Variants in RASSF2 observed in about 807,000 individuals in gnomAD.
RASSF2 encodes the protein ras association domain-containing protein 2.
In RASSF2, 34 loss-of-function variants were observed where a neutral mutation model predicts 46.3. That is an observed-to-expected ratio of 0.73 (90% CI 0.56 to 0.98). RASSF2 has a LOEUF of 0.98. Ranked by LOEUF, RASSF2 falls within the 50% of genes least tolerant of loss-of-function variation. The pLI, the probability that RASSF2 is intolerant of heterozygous loss-of-function variation, is 0.00. For synonymous variants in RASSF2, 158 were observed against 162.5 expected (o/e 0.97, Z 0.21); for missense variants, 364 against 431.2 (o/e 0.84, Z 1.38).
rs183284017 is a variant in RASSF2, at chr20:4,785,101, G to A, written c.912-759C>T. Reference sequence around the variant, plus strand: ...GAGGAGGGTGGATCACTTGAGGTCAGGAGTTCAAGACCAGCCTGGCCAACA... The same window carrying A: ...GAGGAGGGTGGATCACTTGAGGTCAAGAGTTCAAGACCAGCCTGGCCAACA... On this transcript the variant is annotated intron_variant, in intron 11 of 11. Coordinates refer to ENST00000379400, the MANE Select transcript of RASSF2 (RefSeq NM_014737.3). Among the ~76,000 whole-genome samples, 688 of 148,352 alleles carry A rather than the reference G, an allele frequency of 4.6e-3. 4 individuals carry two copies. Among genetic ancestry groups the A allele is most frequent in the African/African-American group, 0.016 (651 of 39,488 alleles).
At chr20:4,801,248 C>T (rs1292293537) in intron 2 of RASSF2, among the ~76,000 whole-genome samples, 186 bp from the exon 3 acceptor site, 2 of 152,190 alleles carry the variant, frequency 1.3e-5, no homozygotes, top group Non-Finnish European at 1.5e-5. Context: ...CCTCGGCTTG[C>T]CACAGCCTCT....
chr20:4,791,632 A>G (rs956567556), intron 6 of RASSF2, among the ~76,000 whole-genome samples: 1 of 152,242 alleles, frequency 6.6e-6, no homozygotes, highest in Non-Finnish European at 1.5e-5. Flanking sequence ...GACAATATCT[A>G]TGAAAATTAA....
chr20:4,818,697 A>G (rs1928493891), intron 2 of RASSF2, among the ~76,000 whole-genome samples: 1 of 152,216 alleles, frequency 6.6e-6, no homozygotes, highest in Non-Finnish European at 1.5e-5. Flanking sequence ...ACAACCTAGG[A>G]ATACAAACCA....
intron 6 of RASSF2, 85 bp downstream of exon 6, chr20:4,792,454 A>G: frequency 6.4e-7 from 1 of 1,565,512 alleles, no homozygotes; most frequent in South Asian, 1.2e-5. Flanking sequence ...TATATTCTCA[A>G]AAATAAATAA....
intron 2 of RASSF2, among the ~76,000 whole-genome samples, chr20:4,803,887 C>T (rs1927113514): frequency 6.6e-6 from 1 of 151,988 alleles, no homozygotes; most frequent in African/African-American, 2.4e-5. Context: ...GGGGAGATCC[C>T]ATCTCTACAA....
At chr20:4,820,045 T>TA (rs1252418466) in intron 2 of RASSF2, among the ~76,000 whole-genome samples, 3 of 152,202 alleles carry the variant, frequency 2.0e-5, no homozygotes, top group Non-Finnish European at 4.4e-5. Context: ...ACTGGCTGCA[T>TA]AGCCCAAGTC....
chr20:4,788,362 C>A, intron 8 of RASSF2, 94 bp from the exon 9 acceptor site: 1 of 1,183,854 alleles, frequency 8.4e-7, no homozygotes, highest in South Asian at 1.2e-5. Flanking sequence ...AAAGCTAAGT[C>A]AATTTTAGGC....
At chr20:4,820,168 G>T (rs1928598166) in intron 2 of RASSF2, among the ~76,000 whole-genome samples, 1 of 152,140 alleles carries the variant, frequency 6.6e-6, no homozygotes, top group Non-Finnish European at 1.5e-5. Flanking sequence ...AATGAAACCA[G>T]CCGTGAGACC....
intron 5 of RASSF2, 106 bp from the exon 6 acceptor site, chr20:4,792,733 A>C: frequency 6.7e-7 from 1 of 1,482,738 alleles, no homozygotes; most frequent in African/African-American, 1.4e-5. Flanking sequence ...GCACTTTGCT[A>C]GTGCCAGGCT....
chr20:4,798,845 CAA>C (rs35949107), intron 3 of RASSF2, among the ~76,000 whole-genome samples: 1 of 127,266 alleles, frequency 7.9e-6, no homozygotes, highest in African/African-American at 3.2e-5. Context: ...AACAAACAAA[CAA>C]AAAAAAAAAA....
chr20:4,794,993 A>AT (rs1926213352), intron 5 of RASSF2, among the ~76,000 whole-genome samples: 1 of 152,042 alleles, frequency 6.6e-6, no homozygotes, highest in Non-Finnish European at 1.5e-5. Context: ...CCAGAAAAAA[A>AT]GGTCACTGTG....
chr20:4,802,880 G>GTATA (rs1310903375), intron 2 of RASSF2, among the ~76,000 whole-genome samples: 1 of 106,458 alleles, frequency 9.4e-6, no homozygotes, highest in South Asian at 2.8e-4. Flanking sequence ...GTATGTGTGT[G>GTATA]TGTATATATA....
chr20:4,814,672 G>T (rs1375270762), intron 2 of RASSF2, among the ~76,000 whole-genome samples: 1 of 152,172 alleles, frequency 6.6e-6, no homozygotes, highest in African/African-American at 2.4e-5. Context: ...AGTCATTGCG[G>T]CATATCTGAC....
At chr20:4,806,801 C>T (rs903487622) in intron 2 of RASSF2, among the ~76,000 whole-genome samples, 2 of 152,158 alleles carry the variant, frequency 1.3e-5, no homozygotes, top group African/African-American at 4.8e-5. Context: ...CCATCCACCC[C>T]GGCAGCTACC....
Position 4,795,741 on chromosome 20 carries a change from C to T in RASSF2, c.287+74G>A, listed in dbSNP as rs6052887. On this transcript the variant is annotated intron_variant, in intron 5 of 11. Transcript: ENST00000379400. The surrounding 1 kb of genome is among the most constrained non-coding windows in gnomAD (Gnocchi z 4.0). ...GTCAGGGCTGGCTGGAAGAAGGCAG[C>T]ATTTATCTGCTTGAGAACACATAGA... 2.0e-6 allele frequency: 3 copies of T among 1,516,634 alleles called. No individual in the cohort carries two copies. The highest frequency in any genetic ancestry group is 2.7e-6 in the Non-Finnish European group (3 of 1,121,638). The allele number at this position is 1,516,634 out of a possible 1,614,324, so 93.9% of individuals were successfully genotyped here.
Position 4,801,010 on chromosome 20 carries a change from C to A in RASSF2, c.21G>T (p.Thr7=). The A allele has an allele frequency of 6.2e-7, 1 of 1,613,842 alleles. No homozygotes were observed. Among genetic ancestry groups the A allele is most frequent in the Non-Finnish European group, 8.5e-7 (1 of 1,179,696 alleles). The change falls in exon 3 of 12, where the codon ACG becomes ACT. Residue 7 remains threonine, a synonymous_variant. Transcript: ENST00000379400. Reference sequence around the variant, plus strand: ...TATCTTGTCCACATGGGACTAGGGACGTTTGGTGGCTGTAGTCCATTCTTC... The same window carrying A: ...TATCTTGTCCACATGGGACTAGGGAAGTTTGGTGGCTGTAGTCCATTCTTC... MDYSHQ[T]SLVPCGQDKY...
At chr20:4,788,628 G>A (rs1307718780) in intron 8 of RASSF2, among the ~76,000 whole-genome samples, 1 of 152,178 alleles carries the variant, frequency 6.6e-6, no homozygotes, top group Non-Finnish European at 1.5e-5. Flanking sequence ...TATACAGCAT[G>A]TTACTGTACT....
Position 4,782,789 on chromosome 20 carries a change from G to C in RASSF2, c.*1484C>G, listed in dbSNP as rs1000795142. The C allele has an allele frequency of 1.3e-5, 2 of 152,230 alleles. No homozygotes were observed. The highest frequency in any genetic ancestry group is 4.8e-5 in the African/African-American group (2 of 41,448). The allele number at this position is 152,230 out of a possible 1,614,324, so 9.4% of individuals were successfully genotyped here. ...TTCTGTGGAGAGAAGGTGGAGAAGA[G>C]ATGGGCAGTGCCTCTACCCCAGCTA... On this transcript the variant is annotated 3_prime_UTR_variant, in exon 12 of 12. Coordinates refer to ENST00000379400, the MANE Select transcript of RASSF2 (RefSeq NM_014737.3).
At chr20:4,806,340 G>A (rs7262277) in intron 2 of RASSF2, among the ~76,000 whole-genome samples, 63 of 152,336 alleles carry the variant, frequency 4.1e-4, no homozygotes, top group African/African-American at 1.3e-3. Context: ...TCAGGTGAAC[G>A]GTGCCTGCTG....
Sources: allele counts gnomAD v4.1 joint callset (sites outside exome capture counted in the v4.1 genomes callset), GRCh38; gene constraint gnomAD v4.1.1; non-coding constraint Gnocchi (gnomAD v3.1); transcripts MANE v1.5; gene names NCBI Gene and HGNC (gene_info 2026-07-23, HGNC 2026-07-21).